PUDP: variants seen among roughly 807,000 people sequenced by gnomAD.
PUDP encodes pseudouridine 5'-phosphatase, also known as pseudouridine-5'-phosphatase.
A neutral mutation model predicts 9.4 loss-of-function variants in PUDP; 8 were observed. That is an observed-to-expected ratio of 0.85 (90% CI 0.50 to 1.53). PUDP has a LOEUF of 1.53. Ranked by LOEUF, PUDP falls within the 40% of genes most tolerant of loss-of-function variation. The pLI, the probability that PUDP is intolerant of heterozygous loss-of-function variation, is 0.00. For synonymous variants in PUDP, 99 were observed against 80.7 expected (o/e 1.23, Z -1.22); for missense variants, 188 against 189.7 (o/e 0.99, Z 0.05).
At chrX:7,026,331 C>T (rs1159232590) in intron 1 of PUDP, among the ~76,000 whole-genome samples, 1 of 111,820 alleles carries the variant, frequency 8.9e-6, no homozygotes, top group Non-Finnish European at 1.9e-5. Flanking sequence ...CATTCCCTTC[C>T]CTGCTGTCTC....
chrX:7,140,269 A>T (rs1383295629), intron 1 of PUDP, among the ~76,000 whole-genome samples: 1 of 112,080 alleles, frequency 8.9e-6, no homozygotes, highest in Non-Finnish European at 1.9e-5. Flanking sequence ...CTCTTAATAT[A>T]TTAAATGCTG....
chrX:7,142,180 T>C (rs758220848), intron 1 of PUDP, among the ~76,000 whole-genome samples: 1 of 112,185 alleles, frequency 8.9e-6, no homozygotes, highest in South Asian at 3.7e-4. Context: ...ATGCCATAGA[T>C]AGTGATTCCT....
intron 3 of PUDP, among the ~76,000 whole-genome samples, chrX:6,913,210 C>T (rs939580631): frequency 3.6e-5 from 4 of 111,661 alleles, no homozygotes; most frequent in African/African-American, 1.3e-4. Context: ...TTATGTCTTA[C>T]TTAGATTATT....
intron 3 of PUDP, among the ~76,000 whole-genome samples, chrX:6,772,709 T>C (rs1925386367): frequency 9.3e-6 from 1 of 107,683 alleles, no homozygotes; most frequent in Non-Finnish European, 1.9e-5. Flanking sequence ...GGTGGGTAGA[T>C]CACTTGAGCC....
chrX:7,028,105 C>G (rs1929744278), intron 1 of PUDP, among the ~76,000 whole-genome samples: 1 of 106,216 alleles, frequency 9.4e-6, no homozygotes, highest in Non-Finnish European at 1.9e-5. Flanking sequence ...TAGTCTAGTA[C>G]AGATAGACAA....
chrX:6,967,920 G>C lies in PUDP; in HGVS notation c.*247+9213C>G, dbSNP rs186198256. On this transcript the variant is annotated intron_variant and NMD_transcript_variant, in intron 3 of 3. Transcript: ENST00000655425. The stretch of plus-strand genomic sequence containing the variant: ...AGAGGGTCCCACCTCACACCCAGAA[G>C]GAAAGAGCGCTGCTCAGAGAGGCCA... Among the ~76,000 whole-genome samples, 716 of 112,413 alleles carry C rather than the reference G, an allele frequency of 6.4e-3. 6 individuals are homozygous for C. The highest frequency in any genetic ancestry group is 0.019 in the African/African-American group (596 of 30,914).
intron 3 of PUDP, among the ~76,000 whole-genome samples, chrX:6,908,044 C>T (rs56818513): frequency 8.9e-6 from 1 of 112,067 alleles, no homozygotes; most frequent in Non-Finnish European, 1.9e-5. Context: ...CAGACTCTAG[C>T]GACCTGCGAG....
At position 6,953,298 on chromosome X, in the gene PUDP, G is replaced by GA. The variant is rs760770214; in HGVS notation, c.*247+23834dup. On this transcript the variant is annotated intron_variant and NMD_transcript_variant, in intron 3 of 3. Coordinates refer to the PUDP transcript ENST00000655425. ...CATCTTTGTTCTTTTCTTTCGTCTA[G>GA]AAAAAAAATTAAACATCACATTTTT... Among the ~76,000 whole-genome samples the GA allele has an allele frequency of 3.6e-5, 4 of 109,926 alleles. No individual in the cohort carries two copies. In the South Asian group the frequency reaches 1.6e-3, roughly 43 times the overall value.
chrX:6,983,559 GC>G (rs1408689657), intron 1 of PUDP, among the ~76,000 whole-genome samples: 1 of 112,250 alleles, frequency 8.9e-6, no homozygotes, highest in African/African-American at 3.2e-5. Flanking sequence ...TAGAACTCCA[GC>G]CCCTTTCATC....
chrX:7,033,379 G>A (rs188606775), intron 1 of PUDP, among the ~76,000 whole-genome samples: 1 of 111,982 alleles, frequency 8.9e-6, no homozygotes, highest in Non-Finnish European at 1.9e-5. Context: ...AGAACCTTGA[G>A]TAATGCAGTT....
chrX:6,767,242 G>A (rs1202756963), intron 3 of PUDP, among the ~76,000 whole-genome samples: 1 of 112,858 alleles, frequency 8.9e-6, no homozygotes, highest in Non-Finnish European at 1.9e-5. Flanking sequence ...CATGGCATGC[G>A]TTTGGGTCCA....
At chrX:7,098,756 T>C (rs1351321982) in intron 2 of PUDP, among the ~76,000 whole-genome samples, 2 of 111,175 alleles carry the variant, frequency 1.8e-5, no homozygotes, top group African/African-American at 6.6e-5. Flanking sequence ...TCTAGTTTGC[T>C]TTTTCTGCTC....
chrX:6,862,445 A>C (rs1429401520), intron 3 of PUDP, among the ~76,000 whole-genome samples: 3 of 112,906 alleles, frequency 2.7e-5, no homozygotes, highest in Non-Finnish European at 5.6e-5. Context: ...TTACATTCAG[A>C]AGTCTGAAAG....
At chrX:6,895,045 T>C (rs949666658) in intron 3 of PUDP, among the ~76,000 whole-genome samples, 3 of 110,597 alleles carry the variant, frequency 2.7e-5, no homozygotes, top group Non-Finnish European at 3.8e-5. Context: ...TTTCTGATCA[T>C]GGGTGCAAAG....
At chrX:7,044,445 T>A (rs1045515451), downstream of PUDP, among the ~76,000 whole-genome samples, 35 of 112,542 alleles carry the variant, frequency 3.1e-4, no homozygotes, top group Admixed American at 1.1e-3. Context: ...CCTTTTCTCC[T>A]CTAATTACCA....
At chrX:6,709,311 C>A (rs1924504599) in intron 1 of PUDP, among the ~76,000 whole-genome samples, 1 of 111,780 alleles carries the variant, frequency 8.9e-6, no homozygotes, top group Admixed American at 9.5e-5. Flanking sequence ...TCTGATCACA[C>A]TTCTGTTTAA....
At chrX:6,960,752 C>T (rs1441588390) in intron 3 of PUDP, among the ~76,000 whole-genome samples, 1 of 111,546 alleles carries the variant, frequency 9.0e-6, no homozygotes, top group Non-Finnish European at 1.9e-5. Flanking sequence ...CATGCAGAGA[C>T]AGTAGCTTTA....
chrX:6,972,433 T>C (rs1290273201), intron 3 of PUDP, among the ~76,000 whole-genome samples: 1 of 112,284 alleles, frequency 8.9e-6, no homozygotes, highest in Non-Finnish European at 1.9e-5. Flanking sequence ...TTGAATTTTA[T>C]TGAAGGCCTT....
intron 3 of PUDP, among the ~76,000 whole-genome samples, chrX:6,782,490 A>C (rs925510393): frequency 2.7e-5 from 3 of 111,677 alleles, no homozygotes; most frequent in Non-Finnish European, 5.6e-5. Context: ...GAATCACTTG[A>C]AGCCAGGAGG....
Sources: gnomAD v4.1 joint callset for allele counts (sites outside exome capture counted in the v4.1 genomes callset) on GRCh38, gnomAD v4.1.1 for gene constraint, MANE v1.5 for transcripts, NCBI Gene and HGNC (gene_info 2026-07-23, HGNC 2026-07-21) for gene names.